The following AAK1 variants were observed in gnomAD, a reference collection of about 807,000 sequenced individuals.
AAK1 encodes the protein AP2 associated kinase 1, also known as AP2-associated protein kinase 1.
A neutral mutation model predicts 116.0 loss-of-function variants in AAK1; 37 were observed. The observed-to-expected ratio is 0.32, with a 90% confidence interval of 0.25 to 0.42. AAK1 has a LOEUF of 0.42. Ranked by LOEUF, AAK1 falls within the 10% of genes least tolerant of loss-of-function variation. The pLI, the probability that AAK1 is intolerant of heterozygous loss-of-function variation, is 1.00. For synonymous variants in AAK1, 458 were observed against 439.9 expected, an observed-to-expected ratio of 1.04 and a Z score of -0.51; for missense variants, 919 against 1,170.6, an observed-to-expected ratio of 0.79 and a Z score of 3.14.
chr2:69,507,257 A>G (rs1676222020), intron 15 of AAK1, among the ~76,000 whole-genome samples, 164 bp downstream of exon 15: 1 of 152,168 alleles, frequency 6.6e-6, no homozygotes, highest in Non-Finnish European at 1.5e-5. Context: ...AAAAATAAAA[A>G]CTGACTTGTA....
chr2:69,511,508 CAG>C (rs1676394639), intron 13 of AAK1, among the ~76,000 whole-genome samples: 1 of 152,172 alleles, frequency 6.6e-6, no homozygotes, highest in Admixed American at 6.5e-5. Context: ...TCTGGGGGTC[CAG>C]AGTTGTGCCT....
chr2:69,485,569 G>C (rs1675262694), intron 17 of AAK1, among the ~76,000 whole-genome samples: 1 of 152,034 alleles, frequency 6.6e-6, no homozygotes, highest in African/African-American at 2.4e-5. Context: ...TTGTATCCCA[G>C]TTCTTGGTTT....
chr2:69,600,567 T>C (rs552846654), intron 2 of AAK1, among the ~76,000 whole-genome samples: 21 of 152,308 alleles, frequency 1.4e-4, no homozygotes, highest in Non-Finnish European at 2.2e-4. Context: ...ATGATCAAAC[T>C]TGAACGGATG....
chr2:69,497,721 G>T (rs2104938980), intron 16 of AAK1, among the ~76,000 whole-genome samples: 1 of 152,104 alleles, frequency 6.6e-6, no homozygotes, highest in African/African-American at 2.4e-5. Context: ...TATAAAGTGG[G>T]TTTTTAAAAA....
At position 69,598,834 on chromosome 2, in the gene AAK1, A is replaced by G. The variant is rs115902153; in HGVS notation, c.164-41856T>C. ...CTAATGTCCCACCCCTTTTCTTTTT[A>G]TGAAGAGTTGATGTGGATGTCTGTC... On this transcript the variant is annotated intron_variant, in intron 2 of 21. Coordinates refer to ENST00000409085, the MANE Select transcript of AAK1 (RefSeq NM_014911.5). 9.3e-3 allele frequency: 2,075 copies of G among 223,564 alleles called. 48 individuals are homozygous for G. The highest frequency in any genetic ancestry group is 0.046 in the African/African-American group (1,952 of 42,442). 13.8% of individuals were successfully genotyped at this position (223,564 alleles called of 1,614,324 possible).
chr2:69,506,591 C>G (rs1013115985), intron 15 of AAK1, among the ~76,000 whole-genome samples: 4 of 152,090 alleles, frequency 2.6e-5, no homozygotes, highest in Non-Finnish European at 5.9e-5. Flanking sequence ...TCTTGAACTC[C>G]TGGGCTCAAG....
intron 5 of AAK1, among the ~76,000 whole-genome samples, chr2:69,535,281 G>T (rs1670416325): frequency 1.3e-5 from 2 of 152,158 alleles, no homozygotes; most frequent in African/African-American, 4.8e-5. Context: ...TCATCCTGAT[G>T]TGATATTACA....
rs572119227 is a variant in AAK1, at chr2:69,629,754, C to T, written c.163+13124G>A. Among the ~76,000 whole-genome samples the T allele has an allele frequency of 2.0e-5, 3 of 152,276 alleles. No homozygotes were observed. In the East Asian group the frequency reaches 5.8e-4, roughly 29 times the overall value. On this transcript the variant is annotated intron_variant, in intron 2 of 21. Coordinates refer to ENST00000409085, the MANE Select transcript of AAK1 (RefSeq NM_014911.5). ...TTCATTCTCCAGTACCCACTGTTGC[C>T]ATGTTCAAATTTACGAGTACTCAAT...
At chr2:69,499,158 G>C (rs950350653) in intron 16 of AAK1, among the ~76,000 whole-genome samples, 3 of 152,150 alleles carry the variant, frequency 2.0e-5, no homozygotes, top group Admixed American at 6.5e-5. Context: ...CCTGCCCTGG[G>C]AAGTGGGGAT....
chr2:69,475,197 G>T lies in AAK1; in HGVS notation c.*672C>A. 1 of 985,910 alleles carries T rather than the reference G, an allele frequency of 1.0e-6. No homozygotes were observed. Among genetic ancestry groups the T allele is most frequent in the Non-Finnish European group, 1.2e-6 (1 of 829,966 alleles). The allele number at this position is 985,910 out of a possible 1,614,324, so 61.1% of individuals were successfully genotyped here. On this transcript the variant is annotated 3_prime_UTR_variant, in exon 22 of 22. Transcript: ENST00000409085. ...TTCAATGGAAGCCAGAAAGCTGGAC[G>T]AATGCTGGGCAGGTTGCATGGGGTG...
At chr2:69,502,811 T>G (rs1676031760) in intron 16 of AAK1, among the ~76,000 whole-genome samples, 2 of 152,182 alleles carry the variant, frequency 1.3e-5, no homozygotes, top group African/African-American at 4.8e-5. Flanking sequence ...ATACTTTTGA[T>G]TTAGCACATA....
At chr2:69,535,345 G>T (rs1056269732) in intron 5 of AAK1, among the ~76,000 whole-genome samples, 2 of 151,912 alleles carry the variant, frequency 1.3e-5, no homozygotes, top group African/African-American at 4.8e-5. Context: ...CACCCATTAC[G>T]TACCCACAAA....
At chr2:69,513,727 T>C (rs1397180610) in intron 13 of AAK1, among the ~76,000 whole-genome samples, 3 of 152,218 alleles carry the variant, frequency 2.0e-5, no homozygotes, top group African/African-American at 7.2e-5. Flanking sequence ...CAAAATGTCT[T>C]TTTCTAACAC....
chr2:69,514,991 T>C (rs924499601), intron 12 of AAK1, among the ~76,000 whole-genome samples: 3 of 152,232 alleles, frequency 2.0e-5, no homozygotes, highest in Non-Finnish European at 4.4e-5. Context: ...CACTACAGAC[T>C]GGCCTTCCAA....
intron 3 of AAK1, among the ~76,000 whole-genome samples, chr2:69,545,024 C>G (rs185652582): frequency 1.3e-5 from 2 of 150,678 alleles, no homozygotes; most frequent in East Asian, 3.9e-4. Context: ...TTTGGGAAAT[C>G]TACCAAAAAA....
intron 2 of AAK1, among the ~76,000 whole-genome samples, chr2:69,558,124 C>T (rs1290051862): frequency 6.6e-6 from 1 of 152,054 alleles, no homozygotes; most frequent in Non-Finnish European, 1.5e-5. Flanking sequence ...AGGCAGATCG[C>T]TTGAGCTCAG....
Position 69,470,090 on chromosome 2 carries a change from A to G in AAK1, c.*5779T>C. The G allele has an allele frequency of 8.1e-6, 8 of 985,456 alleles. No homozygotes were observed. Among genetic ancestry groups the G allele is most frequent in the Non-Finnish European group, 9.6e-6 (8 of 829,936 alleles). The allele number at this position is 985,456 out of a possible 1,614,324, so 61.0% of individuals were successfully genotyped here. A position where few individuals can be genotyped will look rare whatever the true frequency, so the allele number is the denominator to read the frequency against. On this transcript the variant is annotated 3_prime_UTR_variant, in exon 22 of 22. Coordinates refer to ENST00000409085, the MANE Select transcript of AAK1 (RefSeq NM_014911.5). ...CCATCAGAATGCTCCCTACAGAATT[A>G]AAATCTGAAGACTTAAATGTCAGGC...
intron 10 of AAK1, among the ~76,000 whole-genome samples, chr2:69,523,013 T>G (rs1669856824): frequency 1.3e-5 from 2 of 152,226 alleles, no homozygotes; most frequent in East Asian, 3.8e-4. Flanking sequence ...CTCACCCTCT[T>G]TCAGCTTTGG....
At chr2:69,506,868 C>CTGTGTG (rs10531990) in intron 15 of AAK1, among the ~76,000 whole-genome samples, 33,746 of 149,190 alleles carry the variant, frequency 0.23, 4,465 homozygotes, top group African/African-American at 0.37. Context: ...GTGCATGTGC[C>CTGTGTG]TGTGTGTGTG....
Sources: allele counts gnomAD v4.1 joint callset (sites outside exome capture counted in the v4.1 genomes callset), GRCh38; gene constraint gnomAD v4.1.1; transcripts MANE v1.5; gene names NCBI Gene and HGNC (gene_info 2026-07-23, HGNC 2026-07-21).